Variants in MGAT4C observed in about 807,000 individuals in gnomAD.
MGAT4C encodes MGAT4 family member C, also known as alpha-1,3-mannosyl-glycoprotein 4-beta-N-acetylglucosaminyltransferase C.
A neutral mutation model predicts 40.1 loss-of-function variants in MGAT4C; 19 were observed. The observed-to-expected ratio is 0.47, with a 90% CI of 0.33 to 0.70. MGAT4C has a LOEUF of 0.70. Ranked by LOEUF, MGAT4C falls within the 30% of genes least tolerant of loss-of-function variation. The pLI, the probability that MGAT4C is intolerant of heterozygous loss-of-function variation, is 0.02. For missense variants in MGAT4C, 491 were observed against 563.2 expected, an observed-to-expected ratio of 0.87 and a Z score of 1.30; for synonymous variants, 181 against 187.1, an observed-to-expected ratio of 0.97 and a Z score of 0.27.
chr12:86,593,717 G>A (rs1961420304), intron 2 of MGAT4C, among the ~76,000 whole-genome samples: 1 of 152,042 alleles, frequency 6.6e-6, no homozygotes, highest in South Asian at 2.1e-4. Context: ...ATTGGAAAAT[G>A]CACTTTTTAT....
intron 2 of MGAT4C, among the ~76,000 whole-genome samples, chr12:86,514,488 GT>G (rs879545204): frequency 6.6e-6 from 1 of 152,076 alleles, no homozygotes; most frequent in East Asian, 1.9e-4. Flanking sequence ...TAATCTGCAT[GT>G]TTTCCCTTTT....
Position 86,639,279 on chromosome 12 carries a change from C to T in MGAT4C, c.-229+87930G>A, listed in dbSNP as rs1963310648. Among the ~76,000 whole-genome samples the T allele has an allele frequency of 2.0e-5, 3 of 151,864 alleles. No homozygotes were observed. The South Asian group carries it at 6.2e-4, about 31-fold the overall frequency. On this transcript the variant is annotated intron_variant, in intron 2 of 7. Coordinates refer to the MGAT4C transcript ENST00000548651. ...TCTCTGTGTATTGATTTACATTTTA[C>T]ATCAGGCAATCTATTCTTTATTTTA...
At chr12:86,733,289 G>A (rs548575602) in intron 1 of MGAT4C, among the ~76,000 whole-genome samples, 17 of 152,104 alleles carry the variant, frequency 1.1e-4, no homozygotes, top group Non-Finnish European at 2.1e-4. Context: ...TTCTGGAACA[G>A]TGTAAAGAAT....
At chr12:86,377,117 A>G (rs145269159) in intron 3 of MGAT4C, among the ~76,000 whole-genome samples, 2,881 of 150,320 alleles carry the variant, frequency 0.019, 77 homozygotes, top group African/African-American at 0.066. Context: ...CTAGAGTGCA[A>G]TGGCACGATC....
chr12:86,382,881 A>C (rs1367635877), intron 3 of MGAT4C, among the ~76,000 whole-genome samples: 1 of 152,208 alleles, frequency 6.6e-6, no homozygotes, highest in Non-Finnish European at 1.5e-5. Flanking sequence ...ATTTATGGAA[A>C]TGCCTGAATG....
chr12:86,412,044 G>A (rs145883017), intron 3 of MGAT4C, among the ~76,000 whole-genome samples: 140 of 152,322 alleles, frequency 9.2e-4, no homozygotes, highest in African/African-American at 2.6e-3. Flanking sequence ...CGAGAGTTAA[G>A]GCTTAGGAGC....
chr12:86,129,390 A>G (rs1880826982), intron 1 of MGAT4C, among the ~76,000 whole-genome samples: 1 of 152,136 alleles, frequency 6.6e-6, no homozygotes, highest in African/African-American at 2.4e-5. Context: ...ACAGCTAGAG[A>G]AACAGTCTTC....
chr12:86,562,069 G>C (rs931640370), intron 2 of MGAT4C, among the ~76,000 whole-genome samples: 2 of 152,148 alleles, frequency 1.3e-5, no homozygotes, highest in African/African-American at 4.8e-5. Context: ...CACATGTGGA[G>C]AACCAACGAA....
chr12:86,588,688 T>G (rs1055231345), intron 2 of MGAT4C, among the ~76,000 whole-genome samples: 26 of 152,024 alleles, frequency 1.7e-4, no homozygotes, highest in South Asian at 4.2e-4. Context: ...AGAACAGAAA[T>G]TATAACAAAC....
intron 1 of MGAT4C, among the ~76,000 whole-genome samples, chr12:86,803,109 C>T (rs1224754487): frequency 4.8e-5 from 7 of 146,864 alleles, no homozygotes; most frequent in South Asian, 4.3e-4. Context: ...TAAATAATGC[C>T]GCATACCTAC....
intron 1 of MGAT4C, among the ~76,000 whole-genome samples, chr12:86,149,248 A>G (rs189716528): frequency 8.4e-4 from 128 of 152,168 alleles, no homozygotes; most frequent in Non-Finnish European, 1.4e-3. Flanking sequence ...TGTTAAAATG[A>G]GTGGTATTCA....
intron 1 of MGAT4C, among the ~76,000 whole-genome samples, chr12:86,172,673 A>G (rs1407551565): frequency 1.3e-5 from 2 of 152,114 alleles, no homozygotes; most frequent in African/African-American, 2.4e-5. Context: ...TGTACATCCT[A>G]TAAGTTTGCT....
At chr12:86,585,733 TA>T (rs879532401) in intron 2 of MGAT4C, among the ~76,000 whole-genome samples, 1 of 147,496 alleles carries the variant, frequency 6.8e-6, no homozygotes, top group African/African-American at 2.5e-5. Flanking sequence ...TTATTTTTTT[TA>T]ATTTTTTTTT....
At chr12:86,751,717 TTGA>T (rs1326253222) in intron 1 of MGAT4C, among the ~76,000 whole-genome samples, 2 of 152,092 alleles carry the variant, frequency 1.3e-5, no homozygotes, top group Non-Finnish European at 2.9e-5. Context: ...GCTTAATTTA[TTGA>T]TGATTTGTAG....
At chr12:86,499,153 T>C (rs1958291281) in intron 2 of MGAT4C, among the ~76,000 whole-genome samples, 1 of 151,956 alleles carries the variant, frequency 6.6e-6, no homozygotes, top group Non-Finnish European at 1.5e-5. Context: ...ATGTTATTAA[T>C]AAGCCTTCAT....
intron 2 of MGAT4C, among the ~76,000 whole-genome samples, chr12:86,044,231 T>C (rs529041805): frequency 2.6e-5 from 4 of 152,288 alleles, no homozygotes. Flanking sequence ...CCCTCAAGGT[T>C]AGGAATCTGT....
At chr12:86,141,714 T>C (rs543102572) in intron 1 of MGAT4C, among the ~76,000 whole-genome samples, 6 of 152,286 alleles carry the variant, frequency 3.9e-5, no homozygotes, top group South Asian at 4.1e-4. Flanking sequence ...TTTAGCTTTT[T>C]AGTCATAAAG....
chr12:86,359,102 A>G (rs948202468), intron 3 of MGAT4C, among the ~76,000 whole-genome samples: 1 of 152,212 alleles, frequency 6.6e-6, no homozygotes, highest in Non-Finnish European at 1.5e-5. Context: ...GTAAATGTAA[A>G]AGAACAGAAA....
chr12:86,569,811 G>A (rs1192043789), intron 2 of MGAT4C, among the ~76,000 whole-genome samples: 1 of 152,018 alleles, frequency 6.6e-6, no homozygotes, highest in African/African-American at 2.4e-5. Flanking sequence ...TCGATGAAGG[G>A]ATTACAAAAA....
Sources: gnomAD v4.1 joint callset for allele counts (sites outside exome capture counted in the v4.1 genomes callset) on GRCh38, gnomAD v4.1.1 for gene constraint, MANE v1.5 for transcripts, NCBI Gene and HGNC (gene_info 2026-07-23, HGNC 2026-07-21) for gene names.